The following CSMD3 variants were observed in gnomAD, a reference collection of about 807,000 sequenced individuals.
CSMD3 encodes CUB and sushi domain-containing protein 3.
A neutral mutation model predicts 435.2 loss-of-function variants in CSMD3; 177 were observed. That is an observed-to-expected ratio of 0.41 (90% confidence interval 0.36 to 0.46). The LOEUF (loss-of-function observed/expected upper bound fraction) is 0.46. Among genes scored for constraint, CSMD3 ranks in the 20% least tolerant of loss-of-function variants. CSMD3 has a pLI of 0.34. For synonymous variants in CSMD3, 1,656 were observed against 1,520.5 expected (o/e 1.09, Z -2.07); for missense variants, 4,265 against 4,504.6 (o/e 0.95, Z 1.52).
At chr8:112,462,740 T>C (rs1412578749) in intron 32 of CSMD3, among the ~76,000 whole-genome samples, 1 of 152,224 alleles carries the variant, frequency 6.6e-6, no homozygotes. Context: ...TCATTTTTAA[T>C]GTTTAACTGT....
intron 32 of CSMD3, among the ~76,000 whole-genome samples, chr8:112,410,582 ATACATATGTATATATATATGTGTAT>A (rs1276188827): frequency 5.2e-5 from 7 of 135,890 alleles, no homozygotes; most frequent in Non-Finnish European, 1.1e-4. Flanking sequence ...ATGTATATAC[ATACATATGTATATATATATGTGTAT>A]ATATATATGT....
At chr8:113,289,655 C>A (rs1044204849) in intron 2 of CSMD3, among the ~76,000 whole-genome samples, 1 of 151,600 alleles carries the variant, frequency 6.6e-6, no homozygotes, top group African/African-American at 2.4e-5. Flanking sequence ...CTCCCATAAA[C>A]CCTGCCACCT....
At chr8:113,074,112 A>G (rs765558038) in intron 5 of CSMD3, among the ~76,000 whole-genome samples, 5 of 151,728 alleles carry the variant, frequency 3.3e-5, no homozygotes, top group Non-Finnish European at 7.4e-5. Context: ...AATTATTTGT[A>G]GAATATTATC....
Position 112,666,175 on chromosome 8 carries a change from A to G in CSMD3, c.2816+102T>C, listed in dbSNP as rs575792055. 9 of 928,712 alleles carry G rather than the reference A, an allele frequency of 9.7e-6. No homozygotes were observed. In the African/African-American group the frequency reaches 9.8e-5, roughly 10 times the overall value. 57.5% of individuals were successfully genotyped at this position (928,712 alleles called of 1,614,324 possible). A position where few individuals can be genotyped will look rare whatever the true frequency, so the allele number is the denominator to read the frequency against. Reference sequence around the variant, plus strand: ...AGCATTCAAAGCACAGCAATTGACTATTACAATAAAATTAAACATTCATTT... The same window carrying G: ...AGCATTCAAAGCACAGCAATTGACTGTTACAATAAAATTAAACATTCATTT... On this transcript the variant is annotated intron_variant, in intron 17 of 70. Transcript: ENST00000297405.
At chr8:112,410,585 C>CATATGTATATATATATGTGTGTATATAT (rs1586232409) in intron 32 of CSMD3, among the ~76,000 whole-genome samples, 3 of 74,042 alleles carry the variant, frequency 4.1e-5, no homozygotes, top group African/African-American at 5.6e-5. Flanking sequence ...TATATACATA[C>CATATGTATATATATATGTGTGTATATAT]ATATGTATAT....
intron 31 of CSMD3, among the ~76,000 whole-genome samples, chr8:112,489,610 C>T (rs1382608399): frequency 6.6e-6 from 1 of 152,102 alleles, no homozygotes; most frequent in African/African-American, 2.4e-5. Flanking sequence ...ATGATTTTCT[C>T]AACAACCTTG....
chr8:112,226,302 A>G (rs1812553576), intron 70 of CSMD3, among the ~76,000 whole-genome samples: 1 of 152,192 alleles, frequency 6.6e-6, no homozygotes, highest in African/African-American at 2.4e-5. Context: ...AACCAAAGCA[A>G]CATCATTGCC....
chr8:113,266,181 TAAAAAA>T (rs34809876), intron 3 of CSMD3, among the ~76,000 whole-genome samples: 3 of 131,814 alleles, frequency 2.3e-5, no homozygotes, highest in African/African-American at 8.2e-5. Flanking sequence ...CCCCTAAACT[TAAAAAA>T]AAAAAAAAAA....
intron 11 of CSMD3, among the ~76,000 whole-genome samples, chr8:112,836,772 T>C (rs1157287991): frequency 6.6e-6 from 1 of 151,794 alleles, no homozygotes; most frequent in East Asian, 1.9e-4. Flanking sequence ...CATTTGTTAT[T>C]TAAGTCATTC....
intron 13 of CSMD3, among the ~76,000 whole-genome samples, chr8:112,744,269 C>T (rs1344378472): frequency 6.6e-6 from 1 of 152,004 alleles, no homozygotes; most frequent in Non-Finnish European, 1.5e-5. Context: ...AAGAAGTTTA[C>T]AGAGATCATC....
chr8:112,619,099 T>G (rs972605016), intron 22 of CSMD3, among the ~76,000 whole-genome samples: 3 of 152,092 alleles, frequency 2.0e-5, no homozygotes, highest in Admixed American at 6.6e-5. Context: ...CAGTGCTTGG[T>G]GTGTTATTAA....
intron 52 of CSMD3, among the ~76,000 whole-genome samples, chr8:112,304,478 A>C (rs983823510): frequency 6.6e-6 from 1 of 152,054 alleles, no homozygotes; most frequent in African/African-American, 2.4e-5. Context: ...TAAAGTAGGT[A>C]ATAGATCAAC....
chr8:113,055,606 T>C (rs756661463), intron 5 of CSMD3, among the ~76,000 whole-genome samples: 1 of 152,204 alleles, frequency 6.6e-6, no homozygotes, highest in Admixed American at 6.5e-5. Flanking sequence ...AAAATTATGA[T>C]GTGAATTGTA....
chr8:113,074,162 CAG>C (rs890049323), intron 5 of CSMD3, among the ~76,000 whole-genome samples: 9 of 90,888 alleles, frequency 9.9e-5, no homozygotes, highest in South Asian at 7.2e-4. Flanking sequence ...AAAGCACACA[CAG>C]AGACACACAC....
chr8:112,255,525 A>C (rs1216662421), intron 61 of CSMD3, 98 bp from the exon 62 acceptor site: 2 of 1,043,694 alleles, frequency 1.9e-6, no homozygotes, highest in African/African-American at 1.6e-5. Context: ...TATTGTACTA[A>C]AGAGATATAT....
chr8:112,834,830 A>G (rs1036865474), intron 11 of CSMD3, among the ~76,000 whole-genome samples: 1 of 151,908 alleles, frequency 6.6e-6, no homozygotes, highest in African/African-American at 2.4e-5. Flanking sequence ...AAAGAATGCC[A>G]TACATTTTGC....
intron 63 of CSMD3, among the ~76,000 whole-genome samples, chr8:112,252,717 A>T (rs1815393355): frequency 6.7e-6 from 1 of 148,376 alleles, no homozygotes; most frequent in Admixed American, 6.8e-5. Context: ...ATACACATTC[A>T]TACCTGCCAT....
chr8:112,340,568 T>C (rs28468973), intron 42 of CSMD3, among the ~76,000 whole-genome samples: 3 of 152,096 alleles, frequency 2.0e-5, no homozygotes, highest in Non-Finnish European at 2.9e-5. Context: ...TTACATAAAG[T>C]CCTTCAATAA....
intron 10 of CSMD3, among the ~76,000 whole-genome samples, chr8:112,895,253 A>G (rs1273698952): frequency 6.6e-6 from 1 of 151,426 alleles, no homozygotes; most frequent in African/African-American, 2.4e-5. Context: ...ATTATTTTAA[A>G]AAATAATGTG....
Sources: allele counts gnomAD v4.1 joint callset (sites outside exome capture counted in the v4.1 genomes callset), GRCh38; gene constraint gnomAD v4.1.1; transcripts MANE v1.5; gene names NCBI Gene and HGNC (gene_info 2026-07-23, HGNC 2026-07-21).